COL5A2: variants seen among roughly 807,000 people sequenced by gnomAD.
The protein encoded by COL5A2 is collagen alpha-2(V) chain.
Under a neutral mutation model 208.2 loss-of-function variants are expected in COL5A2, and 23 were observed. That is an observed-to-expected ratio of 0.11 (90% CI 0.08 to 0.16). The LOEUF (loss-of-function observed/expected upper bound fraction) is 0.16. COL5A2 is among the 10% of genes least tolerant of loss of function. COL5A2 has a pLI of 1.00. For synonymous variants in COL5A2, 625 were observed against 628.5 expected (o/e 0.99, Z 0.08); for missense variants, 1,590 against 1,956.4 (o/e 0.81, Z 3.53).
chr2:189,062,412 G>T (rs1165595970), intron 29 of COL5A2, among the ~76,000 whole-genome samples: 1 of 152,018 alleles, frequency 6.6e-6, no homozygotes, highest in Non-Finnish European at 1.5e-5. Flanking sequence ...TTGAACTCCT[G>T]ACCTCAGGTA....
At chr2:189,371,873 C>T in the COL5A2 span, among the ~76,000 whole-genome samples, 1 of 152,182 alleles carries the variant, frequency 6.6e-6, no homozygotes, top group African/African-American at 2.4e-5. Context: ...TGTTATAAAG[C>T]AACCACTTGC....
chr2:189,237,805 A>G, the COL5A2 span, among the ~76,000 whole-genome samples: 1 of 151,882 alleles, frequency 6.6e-6, no homozygotes, highest in Non-Finnish European at 1.5e-5. Flanking sequence ...AAAAAACAAC[A>G]ATTAAATGTG....
At chr2:189,219,842 T>C (rs1200502046) in intron 1 of COL5A2, among the ~76,000 whole-genome samples, 1 of 149,246 alleles carries the variant, frequency 6.7e-6, no homozygotes, top group Non-Finnish European at 1.5e-5. Context: ...CAGGGACAGC[T>C]TCACGGATAC....
intron 1 of COL5A2, among the ~76,000 whole-genome samples, chr2:189,176,265 C>G (rs1455654871): frequency 6.6e-6 from 1 of 152,152 alleles, no homozygotes; most frequent in Non-Finnish European, 1.5e-5. Flanking sequence ...CAAATATATA[C>G]TCAGATATAT....
At chr2:189,390,164 G>A in the COL5A2 span, among the ~76,000 whole-genome samples, 1 of 151,730 alleles carries the variant, frequency 6.6e-6, no homozygotes, top group Non-Finnish European at 1.5e-5. Flanking sequence ...CCCTGAGGCT[G>A]CCTGTGTGTT....
chr2:189,244,323 A>G, the COL5A2 span, among the ~76,000 whole-genome samples: 1 of 152,204 alleles, frequency 6.6e-6, no homozygotes. Context: ...ACAGCACCCC[A>G]GTCACCTCTT....
At chr2:189,237,226 G>T in the COL5A2 span, among the ~76,000 whole-genome samples, 1 of 151,188 alleles carries the variant, frequency 6.6e-6, no homozygotes, top group Non-Finnish European at 1.5e-5. Context: ...TTTTACTTCA[G>T]GAACACTATT....
chr2:189,169,067 T>A (rs902602416), intron 1 of COL5A2, among the ~76,000 whole-genome samples: 1 of 152,210 alleles, frequency 6.6e-6, no homozygotes, highest in South Asian at 2.1e-4. Context: ...TCACCCCTAC[T>A]ACTGTATCCG....
chr2:189,149,919 T>C (rs1392380100), intron 1 of COL5A2, among the ~76,000 whole-genome samples: 3 of 152,194 alleles, frequency 2.0e-5, no homozygotes, highest in African/African-American at 7.2e-5. Flanking sequence ...CTTTGTAAAG[T>C]CTTAGTAGAA....
the COL5A2 span, among the ~76,000 whole-genome samples, chr2:189,284,445 C>T: frequency 6.6e-6 from 1 of 152,080 alleles, no homozygotes; most frequent in African/African-American, 2.4e-5. Context: ...GAAGGGGAAG[C>T]AAACACATCT....
At chr2:189,189,065 A>G (rs1432772014) in intron 1 of COL5A2, among the ~76,000 whole-genome samples, 1 of 152,186 alleles carries the variant, frequency 6.6e-6, no homozygotes, top group Non-Finnish European at 1.5e-5. Context: ...CCTTGAGAGA[A>G]AAACAGAATT....
At chr2:189,357,984 C>T in the COL5A2 span, among the ~76,000 whole-genome samples, 4 of 152,046 alleles carry the variant, frequency 2.6e-5, no homozygotes, top group African/African-American at 2.4e-5. Flanking sequence ...GAGGGAAAGC[C>T]CATGACCCCT....
Position 189,076,548 on chromosome 2 carries a change from GA to G in COL5A2, c.1060-1112del, listed in dbSNP as rs1686409159. ...TATTGGAGAAAGACACTAAAAGGCT[GA>G]TGGTGATAAATCACCAAAGTAAGAC... On this transcript the variant is annotated intron_variant, in intron 16 of 53. Transcript: ENST00000374866. 2.0e-5 allele frequency among the ~76,000 whole-genome samples: 3 copies of G among 152,196 alleles called. No individual in the cohort carries two copies. In the South Asian group the frequency reaches 6.2e-4, roughly 31 times the overall value.
the COL5A2 span, among the ~76,000 whole-genome samples, chr2:189,398,635 C>T: frequency 6.6e-6 from 1 of 152,056 alleles, no homozygotes; most frequent in Non-Finnish European, 1.5e-5. Flanking sequence ...AATCCTTTTT[C>T]ATTCGACCTT....
the COL5A2 span, among the ~76,000 whole-genome samples, chr2:189,236,786 T>G: frequency 6.6e-6 from 1 of 151,886 alleles, no homozygotes; most frequent in Non-Finnish European, 1.5e-5. Flanking sequence ...ATATAAGTAT[T>G]CATATGTGTG....
At chr2:189,130,915 G>T (rs1189724432) in intron 1 of COL5A2, among the ~76,000 whole-genome samples, 1 of 152,010 alleles carries the variant, frequency 6.6e-6, no homozygotes, top group Non-Finnish European at 1.5e-5. Flanking sequence ...AGTGTTAACA[G>T]ACAGAAAAGA....
intron 35 of COL5A2, among the ~76,000 whole-genome samples, chr2:189,055,322 A>G (rs1233307926): frequency 6.6e-6 from 1 of 152,208 alleles, no homozygotes; most frequent in East Asian, 1.9e-4. Context: ...ACACAACCTG[A>G]GTCTTCTTGA....
At chr2:189,291,351 C>G in the COL5A2 span, among the ~76,000 whole-genome samples, 1 of 152,044 alleles carries the variant, frequency 6.6e-6, no homozygotes, top group African/African-American at 2.4e-5. Context: ...TTAACTATAT[C>G]CTGGCAAGAA....
the COL5A2 span, among the ~76,000 whole-genome samples, chr2:189,409,204 C>CTTTTTTT: frequency 8.7e-5 from 8 of 92,086 alleles, no homozygotes; most frequent in South Asian, 4.4e-4. Flanking sequence ...TAAATTTACT[C>CTTTTTTT]TTTTTTTTTT....
Sources: allele counts gnomAD v4.1 joint callset (sites outside exome capture counted in the v4.1 genomes callset), GRCh38; gene constraint gnomAD v4.1.1; transcripts MANE v1.5; gene names NCBI Gene and HGNC (gene_info 2026-07-23, HGNC 2026-07-21).